SCAPER: variants seen among roughly 807,000 people sequenced by gnomAD.
SCAPER encodes the protein S phase cyclin A-associated protein in the endoplasmic reticulum.
A neutral mutation model predicts 182.2 loss-of-function variants in SCAPER; 98 were observed. That is an observed-to-expected ratio of 0.54 (90% CI 0.46 to 0.64). SCAPER has a LOEUF of 0.64. Ranked by LOEUF, SCAPER falls within the 30% of genes least tolerant of loss-of-function variation. The pLI is 0.00. For missense variants in SCAPER, 1,432 were observed against 1,690.0 expected, an observed-to-expected ratio of 0.85 and a Z score of 2.68; for synonymous variants, 605 against 564.6, an observed-to-expected ratio of 1.07 and a Z score of -1.01.
intron 23 of SCAPER, among the ~76,000 whole-genome samples, chr15:76,537,277 A>G (rs2044261279): frequency 6.6e-6 from 1 of 151,660 alleles, no homozygotes; most frequent in South Asian, 2.1e-4. Context: ...CTAAGCCAAA[A>G]GAACAAAGCT....
chr15:76,411,016 T>C (rs2045250967), intron 26 of SCAPER, among the ~76,000 whole-genome samples: 1 of 152,182 alleles, frequency 6.6e-6, no homozygotes. Flanking sequence ...TTGACAAGTT[T>C]TGAAGACCAT....
At chr15:76,583,232 T>A (rs2048386413) in intron 22 of SCAPER, among the ~76,000 whole-genome samples, 1 of 151,622 alleles carries the variant, frequency 6.6e-6, no homozygotes, top group Non-Finnish European at 1.5e-5. Context: ...ATGCCTCTAG[T>A]CCCAGCTACT....
At chr15:76,572,381 T>G (rs1344107247) in intron 23 of SCAPER, among the ~76,000 whole-genome samples, 4 of 152,240 alleles carry the variant, frequency 2.6e-5, no homozygotes, top group Non-Finnish European at 5.9e-5. Flanking sequence ...AAATACTGCA[T>G]TCTAGCAAAT....
intron 20 of SCAPER, among the ~76,000 whole-genome samples, chr15:76,667,625 C>CCAAAAAAAAAAAAAA (rs2056687759): frequency 3.6e-5 from 1 of 27,454 alleles, no homozygotes; most frequent in Non-Finnish European, 6.5e-5. Context: ...GACTCAGTCT[C>CCAAAAAAAAAAAAAA]AAAAAAAAAA....
chr15:76,503,648 C>G lies in SCAPER; in HGVS notation c.2954+1211G>C, dbSNP rs115666122. Among the ~76,000 whole-genome samples the G allele has an allele frequency of 9.7e-3, 1,473 of 152,192 alleles. 24 individuals are homozygous for G. The highest frequency in any genetic ancestry group is 0.034 in the African/African-American group (1,426 of 41,520). ...TTCAACCGGTCCCATAGTAGCACCA[C>G]GAGGTGAATATGATTACATTTATTT... On this transcript the variant is annotated intron_variant, in intron 24 of 31. Transcript: ENST00000563290.
chr15:76,872,717 T>C (rs190007783), intron 2 of SCAPER, among the ~76,000 whole-genome samples: 1 of 151,782 alleles, frequency 6.6e-6, no homozygotes, highest in East Asian at 1.9e-4. Flanking sequence ...TACAGTATAA[T>C]AATCTAGGTT....
intron 22 of SCAPER, among the ~76,000 whole-genome samples, chr15:76,617,967 A>T (rs1341675648): frequency 6.6e-6 from 1 of 152,138 alleles, no homozygotes; most frequent in African/African-American, 2.4e-5. Flanking sequence ...TGTTTTAAAA[A>T]ATCTCTTCCA....
At chr15:76,437,530 C>A (rs1356948553) in intron 25 of SCAPER, among the ~76,000 whole-genome samples, 1 of 152,164 alleles carries the variant, frequency 6.6e-6, no homozygotes, top group Non-Finnish European at 1.5e-5. Flanking sequence ...TAAAATACAA[C>A]TTTCTTTTTC....
chr15:76,652,879 A>G (rs1389911059), intron 21 of SCAPER, among the ~76,000 whole-genome samples: 2 of 152,144 alleles, frequency 1.3e-5, no homozygotes, highest in Non-Finnish European at 2.9e-5. Flanking sequence ...TAGCCAGGGC[A>G]ATCAGGAAAG....
rs1555461317 is a variant in SCAPER at position 76,510,888 on chromosome 15, T to TATGC, written c.2839-5915_2839-5914insGCAT. Among the ~76,000 whole-genome samples the TATGC allele has an allele frequency of 2.5e-4, 36 of 141,206 alleles. 1 individual carries two copies. Among genetic ancestry groups the TATGC allele is most frequent in the African/African-American group, 8.5e-4 (33 of 38,670 alleles). 92.6% of individuals were successfully genotyped at this position (141,206 alleles called of 152,430 possible). On this transcript the variant is annotated intron_variant, in intron 23 of 31. Coordinates refer to ENST00000563290, the MANE Select transcript of SCAPER (RefSeq NM_020843.4). The stretch of plus-strand genomic sequence containing the variant: ...GCGTGTGTGTGTGTGTGTGTGTGTG[T>TATGC]GCGCGCGCGCACGTATGGAATACTA...
chr15:76,558,116 A>T (rs530376623), intron 23 of SCAPER, among the ~76,000 whole-genome samples: 8 of 152,352 alleles, frequency 5.3e-5, no homozygotes, highest in Non-Finnish European at 1.5e-5. Flanking sequence ...AAGATCACAA[A>T]ATCAGCTGCA....
chr15:76,847,260 T>C (rs754203351), intron 4 of SCAPER, among the ~76,000 whole-genome samples: 28 of 151,904 alleles, frequency 1.8e-4, no homozygotes, highest in Non-Finnish European at 3.4e-4. Context: ...AAAGAATGGG[T>C]GCAGCAAACC....
intron 25 of SCAPER, among the ~76,000 whole-genome samples, chr15:76,470,920 C>T (rs1194037821): frequency 6.6e-6 from 1 of 152,132 alleles, no homozygotes; most frequent in African/African-American, 2.4e-5. Context: ...TTGCATCCAA[C>T]TGATTCCAAA....
rs2040800341 is a variant in SCAPER, at chr15:76,354,190, C to T, written c.3856-50G>A. 2 of 1,540,960 alleles carry T rather than the reference C, an allele frequency of 1.3e-6. No homozygotes were observed. On this transcript the variant is annotated intron_variant, in intron 29 of 31. Transcript: ENST00000563290. The surrounding 1 kb of genome is among the most constrained non-coding windows in gnomAD (Gnocchi z 4.4). ...CAGCTGCCGAAACGCCCCAGCCTGTCCCTCACCCACCTGCACAGTGTCGGC... is the reference window on the plus strand; with the variant it reads ...CAGCTGCCGAAACGCCCCAGCCTGTTCCTCACCCACCTGCACAGTGTCGGC...
At position 76,728,580 on chromosome 15, in the gene SCAPER, T is replaced by C. The variant is rs773748632; in HGVS notation, c.2165+15A>G. On this transcript the variant is annotated intron_variant, in intron 17 of 31. Coordinates refer to ENST00000563290, the MANE Select transcript of SCAPER (RefSeq NM_020843.4). The stretch of plus-strand genomic sequence containing the variant: ...ACTCAGTGCAAAATGTTCATCAAGA[T>C]AGCAAATGAGATACCTAGCTCTTTC... 3.7e-6 allele frequency: 6 copies of C among 1,613,048 alleles called. No homozygotes were observed. The South Asian group carries it at 5.5e-5, about 15-fold the overall frequency.
intron 25 of SCAPER, among the ~76,000 whole-genome samples, chr15:76,446,315 C>G (rs191170007): frequency 6.6e-6 from 1 of 152,136 alleles, no homozygotes; most frequent in East Asian, 1.9e-4. Flanking sequence ...ACTAAACAAG[C>G]GTGATGGAAG....
intron 23 of SCAPER, among the ~76,000 whole-genome samples, chr15:76,565,991 T>C (rs941993337): frequency 6.6e-6 from 1 of 152,132 alleles, no homozygotes; most frequent in Non-Finnish European, 1.5e-5. Context: ...TGTTGAATGC[T>C]TCCCATTTCT....
intron 30 of SCAPER, among the ~76,000 whole-genome samples, chr15:76,351,787 T>C (rs1034169135): frequency 6.6e-6 from 1 of 152,324 alleles, no homozygotes; most frequent in East Asian, 1.9e-4. Flanking sequence ...ATAAGAGACC[T>C]TGAGGAACCA....
chr15:76,658,950 A>C (rs279996), intron 21 of SCAPER, among the ~76,000 whole-genome samples: 148,875 of 152,184 alleles, frequency 0.98, 72,895 homozygotes, highest in East Asian at 1. Flanking sequence ...AATGTGAAAC[A>C]TCAAACTATA....
Sources: allele counts gnomAD v4.1 joint callset (sites outside exome capture counted in the v4.1 genomes callset), GRCh38; gene constraint gnomAD v4.1.1; non-coding constraint Gnocchi (gnomAD v3.1); transcripts MANE v1.5; gene names NCBI Gene and HGNC (gene_info 2026-07-23, HGNC 2026-07-21).